Variants in SPATA22 observed in about 807,000 individuals in gnomAD.
The protein encoded by SPATA22 is spermatogenesis-associated protein 22.
Under a neutral mutation model 47.8 loss-of-function variants are expected in SPATA22, and 29 were observed. The observed-to-expected ratio is 0.61, with a 90% confidence interval of 0.45 to 0.83. The LOEUF is 0.83. Among genes scored for constraint, SPATA22 ranks in the 40% least tolerant of loss-of-function variants. SPATA22 has a pLI of 0.00. For synonymous variants in SPATA22, 133 were observed against 140.9 expected (o/e 0.94, Z 0.40); for missense variants, 410 against 421.7 (o/e 0.97, Z 0.24).
At chr17:3,511,086 G>A (rs1182959087) in intron 1 of SPATA22, 2 of 152,266 alleles carry the variant, frequency 1.3e-5, no homozygotes, top group South Asian at 2.1e-4. Flanking sequence ...ACCTTCCCCT[G>A]AAATTACTGA....
chr17:3,505,731 GTTTT>G (rs1441557625), intron 1 of SPATA22, among the ~76,000 whole-genome samples: 1 of 82,504 alleles, frequency 1.2e-5, no homozygotes, highest in African/African-American at 4.3e-5. Context: ...CTGCTTAGGG[GTTTT>G]TTGTTTGTTT....
At chr17:3,474,070 G>A (rs901379329), upstream of SPATA22, 3 of 152,132 alleles carry the variant, frequency 2.0e-5, no homozygotes, top group African/African-American at 4.8e-5. Context: ...AGTTAACTTG[G>A]TATAAGAGTA....
chr17:3,465,168 C>T (rs2073266246), intron 3 of SPATA22, among the ~76,000 whole-genome samples: 1 of 138,572 alleles, frequency 7.2e-6, no homozygotes. Context: ...GGGGTCAGCC[C>T]CCCGCCCGGC....
In SPATA22 at chr17:3,455,777, G is replaced by A. The variant is rs58317086; in HGVS notation, c.330-6628C>T. ...TGGCTTAGGATTGACTTGGCGATGCGGGCTCTTTTTTGGTTCCATATGAAC... is the reference window on the plus strand; with the variant it reads ...TGGCTTAGGATTGACTTGGCGATGCAGGCTCTTTTTTGGTTCCATATGAAC... On this transcript the variant is annotated intron_variant, in intron 5 of 8. Coordinates refer to ENST00000572969, the MANE Select transcript of SPATA22 (RefSeq NM_001170698.2). Among the ~76,000 whole-genome samples the A allele has an allele frequency of 9.1e-4, 136 of 148,734 alleles. 1 individual carries two copies. Among genetic ancestry groups the A allele is most frequent in the African/African-American group, 2.3e-3 (95 of 40,448 alleles).
rs577273204 is a variant in SPATA22 at position 3,479,775 on chromosome 17, A to G, written c.-73-10377T>C. On this transcript the variant is annotated intron_variant, in intron 1 of 8. Coordinates refer to the SPATA22 transcript ENST00000541913. ...TCTCATTCCAGGCAGGAATTAGCCC[A>G]TTGTACACAGTAGGTCCCTTGAAGA... 1.9e-4 allele frequency among the ~76,000 whole-genome samples: 29 copies of G among 152,294 alleles called. No individual in the cohort carries two copies. The South Asian group carries it at 5.2e-3, about 27-fold the overall frequency.
chr17:3,497,949 T>C (rs901132028), intron 1 of SPATA22, among the ~76,000 whole-genome samples: 3 of 152,144 alleles, frequency 2.0e-5, no homozygotes, highest in Non-Finnish European at 4.4e-5. Context: ...TCCCGTGGTG[T>C]GACAGCCATG....
intron 1 of SPATA22, among the ~76,000 whole-genome samples, chr17:3,482,952 C>T (rs1336903766): frequency 8.2e-6 from 1 of 121,734 alleles, no homozygotes; most frequent in Non-Finnish European, 1.7e-5. Context: ...CCCCCCACCC[C>T]AATTCTTCAT....
At chr17:3,471,271 C>T (rs2073428435) in intron 1 of SPATA22, among the ~76,000 whole-genome samples, 1 of 152,206 alleles carries the variant, frequency 6.6e-6, no homozygotes, top group African/African-American at 2.4e-5. Flanking sequence ...GATTCTGCCA[C>T]TTTCTCCACC....
At chr17:3,496,415 A>G (rs971783952) in intron 1 of SPATA22, among the ~76,000 whole-genome samples, 5 of 152,238 alleles carry the variant, frequency 3.3e-5, no homozygotes, top group Admixed American at 6.5e-5. Flanking sequence ...GTGGTCACAA[A>G]GTGCCATCTC....
At chr17:3,450,273 G>A (rs1462380250) in intron 5 of SPATA22, among the ~76,000 whole-genome samples, 1 of 152,194 alleles carries the variant, frequency 6.6e-6, no homozygotes, top group African/African-American at 2.4e-5. Context: ...GTACACTGCT[G>A]ACCAGGAACA....
intron 5 of SPATA22, among the ~76,000 whole-genome samples, chr17:3,458,875 A>T (rs2073059047): frequency 6.6e-6 from 1 of 151,166 alleles, no homozygotes; most frequent in Non-Finnish European, 1.5e-5. Context: ...AAAAAAAAAA[A>T]AAAAATTCCA....
At chr17:3,470,376 C>T (rs1226457498) in intron 1 of SPATA22, among the ~76,000 whole-genome samples, 1 of 152,198 alleles carries the variant, frequency 6.6e-6, no homozygotes. Flanking sequence ...ATGAGACAGA[C>T]AGACCGACAC....
chr17:3,510,468 T>C (rs972058884), intron 1 of SPATA22: 2 of 152,224 alleles, frequency 1.3e-5, no homozygotes, highest in Non-Finnish European at 2.9e-5. Flanking sequence ...AATCTGCACA[T>C]TGGCACACCT....
At chr17:3,471,832 G>A, upstream of SPATA22, 2 of 984,984 alleles carry the variant, frequency 2.0e-6, no homozygotes, top group African/African-American at 1.7e-5. Flanking sequence ...GCTGTTCGCA[G>A]GCGCCGTGGA....
chr17:3,459,718 T>A (rs28581350), intron 5 of SPATA22, among the ~76,000 whole-genome samples: 1 of 152,158 alleles, frequency 6.6e-6, no homozygotes, highest in African/African-American at 2.4e-5. Flanking sequence ...CTAATTAAAA[T>A]TTTTTTAAGA....
chr17:3,505,482 C>G (rs897461064), intron 1 of SPATA22, among the ~76,000 whole-genome samples: 2 of 152,092 alleles, frequency 1.3e-5, no homozygotes, highest in African/African-American at 4.8e-5. Flanking sequence ...AGGGTGACCC[C>G]AAGATAGCCA....
At chr17:3,495,152 A>C (rs1023586052) in intron 1 of SPATA22, among the ~76,000 whole-genome samples, 7 of 152,206 alleles carry the variant, frequency 4.6e-5, no homozygotes, top group Admixed American at 4.6e-4. Context: ...GCAAAGGGAA[A>C]AGGAGAGAAG....
At chr17:3,513,811 C>T in exon 1 of SPATA22, 1 of 950,698 alleles carries the variant, frequency 1.1e-6, no homozygotes. Context: ...GCTTCTAGGC[C>T]AGCAGAGCCG....
At chr17:3,443,493 T>C (rs11657154) in intron 7 of SPATA22, among the ~76,000 whole-genome samples, 2 of 151,818 alleles carry the variant, frequency 1.3e-5, no homozygotes, top group East Asian at 3.8e-4. Flanking sequence ...ACAGATTATA[T>C]GCCAAGCTCA....
Sources: gnomAD v4.1 joint callset for allele counts (sites outside exome capture counted in the v4.1 genomes callset) on GRCh38, gnomAD v4.1.1 for gene constraint, MANE v1.5 for transcripts, NCBI Gene and HGNC (gene_info 2026-07-23, HGNC 2026-07-21) for gene names.